The following CCNF variants were observed in gnomAD, a reference collection of about 807,000 sequenced individuals.
CCNF encodes the protein cyclin-F.
In CCNF, 30 loss-of-function variants were observed where a neutral mutation model predicts 85.4. The observed-to-expected ratio is 0.35, with a 90% CI of 0.26 to 0.48. The LOEUF is 0.48. Among genes scored for constraint, CCNF ranks in the 20% least tolerant of loss-of-function variants. The probability of loss-of-function intolerance (pLI) is 0.99; values close to 1 mark genes in which losing one functional copy is unlikely to be tolerated. For synonymous variants in CCNF, 439 were observed against 425.1 expected (o/e 1.03, Z -0.40); for missense variants, 919 against 1,010.4 (o/e 0.91, Z 1.23).
rs12919892 is a variant in CCNF, at chr16:2,450,070, G to C, written c.1487+155G>C. Among the ~76,000 whole-genome samples the C allele has an allele frequency of 0.75, 114,499 of 151,764 alleles. 44,123 individuals carry two copies. Among genetic ancestry groups the C allele is most frequent in the African/African-American group, 0.92 (37,992 of 41,394 alleles). On this transcript the variant is annotated intron_variant, in intron 13 of 16. Transcript: ENST00000397066. Reference sequence around the variant, plus strand: ...AAAAATACAAAAATTAGCCAGGCGTGGTGGTGCACGCCTATAATTCCAGCT... The same window carrying C: ...AAAAATACAAAAATTAGCCAGGCGTCGTGGTGCACGCCTATAATTCCAGCT...
At chr16:2,447,687 G>GTTGCAGTGAGCTGAGA in intron 10 of CCNF, among the ~76,000 whole-genome samples, 1 of 152,024 alleles carries the variant, frequency 6.6e-6, no homozygotes, top group Non-Finnish European at 1.5e-5. Flanking sequence ...GGAGGCGGAG[G>GTTGCAGTGAGCTGAGA]TTGCAGTGAG....
intron 2 of CCNF, 145 bp from the exon 3 acceptor site, chr16:2,432,816 C>T: frequency 1.8e-6 from 1 of 558,554 alleles, no homozygotes; most frequent in East Asian, 2.9e-5. Context: ...CAGTTACTTT[C>T]ACACAGAGAT....
At chr16:2,433,798 A>C (rs1332842435) in intron 3 of CCNF, among the ~76,000 whole-genome samples, 1 of 151,888 alleles carries the variant, frequency 6.6e-6, no homozygotes, top group African/African-American at 2.4e-5. Flanking sequence ...GTTGGCCAGG[A>C]TGGTCTCGAT....
intron 9 of CCNF, among the ~76,000 whole-genome samples, chr16:2,444,704 C>T (rs560302997): frequency 4.7e-4 from 71 of 152,108 alleles, no homozygotes; most frequent in African/African-American, 1.6e-3. Flanking sequence ...TCAAGAGATC[C>T]TCCCACCTTA....
Position 2,453,313 on chromosome 16 carries a change from C to T in CCNF, c.1587+4C>T. The T allele has an allele frequency of 1.9e-6, 3 of 1,613,860 alleles. No homozygotes were observed. The highest frequency in any genetic ancestry group is 2.5e-6 in the Non-Finnish European group (3 of 1,180,006). The stretch of plus-strand genomic sequence containing the variant: ...TGGAGAAATCAGCCAGGAAGAGGTG[C>T]CTCCCTCCCGCCACCTGGGCGTCTC... On this transcript the variant is annotated splice_donor_region_variant and intron_variant, in intron 14 of 16. Coordinates refer to ENST00000397066, the MANE Select transcript of CCNF (RefSeq NM_001761.3). This position sits in a 1 kb window ranked among gnomAD's most constrained non-coding sequence, Gnocchi z 5.6.
chr16:2,456,634 T>C lies in CCNF; in HGVS notation c.1975T>C (p.Cys659Arg). The C allele has an allele frequency of 6.2e-7, 1 of 1,611,874 alleles. No homozygotes were observed. Among genetic ancestry groups the C allele is most frequent in the Non-Finnish European group, 8.5e-7 (1 of 1,179,228 alleles). Residue 659 changes from cysteine (C) to arginine (R), a missense_variant, in exon 17 of 17, where the codon TGT (cysteine) becomes CGT (arginine). Physicochemically the swap from Cys to Arg is radical, Grantham distance 180 (BLOSUM62 -3). Around this residue, in one of 3 missense-constraint regions of CCNF, gnomAD observed 505 missense variants for 514.8 expected, o/e 0.98. Transcript: ENST00000397066. The surrounding 1 kb of genome is among the most constrained non-coding windows in gnomAD (Gnocchi z 4.5). ...CCAGGAATCCAGTGATGAGGAGGCT[T>C]GTCCAGAGGACAAGGGACCCCAGGA... is the stretch of plus-strand genomic sequence containing the variant. Reference protein sequence around the residue: ...CCQESSDEEACPEDKGPQDPQ... With the variant: ...CCQESSDEEARPEDKGPQDPQ...
intron 2 of CCNF, among the ~76,000 whole-genome samples, chr16:2,431,724 A>AT (rs2065263920): frequency 6.6e-6 from 1 of 151,008 alleles, no homozygotes; most frequent in Admixed American, 6.6e-5. Context: ...AACAAGGATG[A>AT]TATCATTACC....
intron 3 of CCNF, among the ~76,000 whole-genome samples, chr16:2,435,158 G>A (rs1307187100): frequency 6.6e-6 from 1 of 151,396 alleles, no homozygotes; most frequent in Non-Finnish European, 1.5e-5. Flanking sequence ...GGCTGAGGCA[G>A]GAGAATGGTG....
chr16:2,432,942 G>T lies in CCNF; in HGVS notation c.172-19G>T, dbSNP rs574261584. The T allele has an allele frequency of 1.2e-4, 179 of 1,522,706 alleles. 1 individual carries two copies. The South Asian group carries it at 1.9e-3, about 16-fold the overall frequency. 94.3% of individuals were successfully genotyped at this position (1,522,706 alleles called of 1,614,324 possible). On this transcript the variant is annotated intron_variant, in intron 2 of 16. Coordinates refer to ENST00000397066, the MANE Select transcript of CCNF (RefSeq NM_001761.3). ...GGTGGTGCCTCCATCACCCAGCCCC[G>T]GCCCCCGTTGTTCTGCAGGTACACT...
intron 3 of CCNF, among the ~76,000 whole-genome samples, chr16:2,434,142 T>C (rs879580252): frequency 1.3e-5 from 2 of 148,164 alleles, no homozygotes; most frequent in Admixed American, 1.3e-4. Context: ...CCTGTCTCTA[T>C]TAAAAATACA....
rs754007181 is a variant in CCNF, at chr16:2,452,212, T to TG, written c.1488-993dup. Among the ~76,000 whole-genome samples the TG allele has an allele frequency of 6.4e-4, 98 of 152,218 alleles. No homozygotes were observed. The highest frequency in any genetic ancestry group is 1.3e-3 in the Non-Finnish European group (89 of 68,036). ...CTTCCAGGATGAGATCAGAACTCCC[T>TG]GGGGGTCTCGATGCCCTTGAGCAGC... On this transcript the variant is annotated intron_variant, in intron 13 of 16. Coordinates refer to ENST00000397066, the MANE Select transcript of CCNF (RefSeq NM_001761.3). This position sits in a 1 kb window ranked among gnomAD's most constrained non-coding sequence, Gnocchi z 4.1.
At chr16:2,444,005 C>T (rs2065347198) in intron 9 of CCNF, among the ~76,000 whole-genome samples, 2 of 151,638 alleles carry the variant, frequency 1.3e-5, no homozygotes. Flanking sequence ...CTGCAAGCTC[C>T]GCCTCCTGGG....
In CCNF at chr16:2,451,035, C is replaced by A. The variant is rs765240595; in HGVS notation, c.1487+1120C>A. 3.5e-4 allele frequency among the ~76,000 whole-genome samples: 54 copies of A among 152,358 alleles called. No homozygotes were observed. The highest frequency in any genetic ancestry group is 6.5e-4 in the Non-Finnish European group (44 of 68,030). On this transcript the variant is annotated intron_variant, in intron 13 of 16. Coordinates refer to ENST00000397066, the MANE Select transcript of CCNF (RefSeq NM_001761.3). The surrounding 1 kb of genome is among the most constrained non-coding windows in gnomAD (Gnocchi z 4.3). The stretch of plus-strand genomic sequence containing the variant: ...CACCTGCCCCGGCCCCTCCGCCCTT[C>A]TCTCTGGTGAGCCTGGCCCGGCCCT...
At chr16:2,436,244 A>C in intron 4 of CCNF, 1 of 180,304 alleles carries the variant, frequency 5.5e-6, no homozygotes, top group East Asian at 1.4e-4. Context: ...AGAACTCTCG[A>C]GACAGAGTTC....
At chr16:2,444,711 C>T (rs1207855133) in intron 9 of CCNF, among the ~76,000 whole-genome samples, 1 of 152,048 alleles carries the variant, frequency 6.6e-6, no homozygotes, top group African/African-American at 2.4e-5. Context: ...ATCCTCCCAC[C>T]TTACCCTCCT....
chr16:2,431,434 T>C, intron 2 of CCNF, 150 bp downstream of exon 2: 1 of 788,600 alleles, frequency 1.3e-6, no homozygotes, highest in South Asian at 1.9e-5. Flanking sequence ...TCCTAGCACT[T>C]TGGGAGGCCG....
intron 3 of CCNF, among the ~76,000 whole-genome samples, chr16:2,434,092 G>T (rs200670134): frequency 1.3e-5 from 2 of 151,474 alleles, no homozygotes; most frequent in Admixed American, 1.3e-4. Flanking sequence ...GATCACTTGA[G>T]GTCGGGAGTT....
At chr16:2,434,874 G>A (rs1349794294) in intron 3 of CCNF, among the ~76,000 whole-genome samples, 1 of 152,180 alleles carries the variant, frequency 6.6e-6, no homozygotes, top group African/African-American at 2.4e-5. Context: ...GTCTTTCGTG[G>A]CTGGCTTCTT....
At chr16:2,439,887 G>A in intron 8 of CCNF, 61 bp downstream of exon 8, 1 of 1,413,626 alleles carries the variant, frequency 7.1e-7, no homozygotes, top group Non-Finnish European at 1.0e-6. Context: ...CCTTGGGGCA[G>A]GACTATCTGG....
Sources: allele counts gnomAD v4.1 joint callset (sites outside exome capture counted in the v4.1 genomes callset), GRCh38; gene constraint gnomAD v4.1.1; regional missense constraint gnomAD v4.1.1; non-coding constraint Gnocchi (gnomAD v3.1); transcripts MANE v1.5; gene names NCBI Gene and HGNC (gene_info 2026-07-23, HGNC 2026-07-21).